Variants in PEX5L observed in about 807,000 individuals in gnomAD.
The protein encoded by PEX5L is PEX5-related protein.
PEX5L carries 30 observed loss-of-function variants against 84.0 expected under a neutral mutation model. The ratio of observed to expected loss-of-function variants is 0.36; its 90% confidence interval spans 0.27 to 0.48. The LOEUF (loss-of-function observed/expected upper bound fraction) is 0.48, where lower values mean the gene tolerates loss of function less well. Among genes scored for constraint, PEX5L ranks in the 20% least tolerant of loss-of-function variants. The pLI, the probability that PEX5L is intolerant of heterozygous loss-of-function variation, is 0.99. For missense variants in PEX5L, 533 were observed against 754.6 expected (o/e 0.71, Z 3.44); for synonymous variants, 270 against 283.1 (o/e 0.95, Z 0.46).
At chr3:179,945,898 T>C (rs1377591747) in intron 2 of PEX5L, among the ~76,000 whole-genome samples, 2 of 152,312 alleles carry the variant, frequency 1.3e-5, no homozygotes, top group Middle Eastern at 3.4e-3. Flanking sequence ...TTGTGTGTGG[T>C]TGCAGAGGGA....
At chr3:179,978,975 A>G (rs1412653856) in intron 1 of PEX5L, among the ~76,000 whole-genome samples, 3 of 152,204 alleles carry the variant, frequency 2.0e-5, no homozygotes, top group Admixed American at 1.3e-4. Context: ...TCCTGCATCT[A>G]TGAAAAACAG....
In PEX5L at chr3:179,960,607, T is replaced by A. The variant is rs556854727; in HGVS notation, c.93+10987A>T. 3.3e-5 allele frequency among the ~76,000 whole-genome samples: 5 copies of A among 152,360 alleles called. No homozygotes were observed. The South Asian group carries it at 6.2e-4, about 19-fold the overall frequency. On this transcript the variant is annotated intron_variant, in intron 2 of 14. Coordinates refer to ENST00000467460, the MANE Select transcript of PEX5L (RefSeq NM_016559.3). ...TAACTCAAGTTCCTTGGAGTCTGGA[T>A]GCAAAATTAAAATGGCTCATTCATC...
At position 179,795,994 on chromosome 3, in the gene PEX5L, A is replaced by C. The variant is rs184448168; in HGVS notation, c.*5834T>G. ...ACTTAAGTTTGCTGTATTTCCCTTAACTACTGGTAATGTAGTCCATCATGA... is the reference window on the plus strand; with the variant it reads ...ACTTAAGTTTGCTGTATTTCCCTTACCTACTGGTAATGTAGTCCATCATGA... On this transcript the variant is annotated 3_prime_UTR_variant, in exon 15 of 15. Transcript: ENST00000467460. 1 of 152,284 alleles carries C rather than the reference A, an allele frequency of 6.6e-6. No individual in the cohort carries two copies. Among genetic ancestry groups the C allele is most frequent in the African/African-American group, 2.4e-5 (1 of 41,564 alleles). 9.4% of individuals were successfully genotyped at this position (152,284 alleles called of 1,614,324 possible). A position where few individuals can be genotyped will look rare whatever the true frequency, so the allele number is the denominator to read the frequency against.
chr3:180,027,575 C>G (rs1529269), intron 1 of PEX5L, among the ~76,000 whole-genome samples: 2 of 151,996 alleles, frequency 1.3e-5, no homozygotes, highest in African/African-American at 4.8e-5. Context: ...TCATACAGTA[C>G]GTGTATGTCC....
chr3:179,899,041 T>G (rs934872237), intron 2 of PEX5L, among the ~76,000 whole-genome samples: 3 of 152,056 alleles, frequency 2.0e-5, no homozygotes, highest in African/African-American at 7.2e-5. Flanking sequence ...TATGTATATA[T>G]ATAGATAATA....
At chr3:179,802,692 G>C (rs1163993481) in intron 14 of PEX5L, among the ~76,000 whole-genome samples, 2 of 152,130 alleles carry the variant, frequency 1.3e-5, no homozygotes, top group African/African-American at 4.8e-5. Context: ...TGCATTTGCA[G>C]ATTTGATTTC....
chr3:179,956,601 ATATT>A (rs1234605208), intron 2 of PEX5L, among the ~76,000 whole-genome samples: 1 of 152,138 alleles, frequency 6.6e-6, no homozygotes, highest in Non-Finnish European at 1.5e-5. Flanking sequence ...GGCTGTAAAA[ATATT>A]TAGTTAGTTT....
rs563311917 is a variant in PEX5L, at chr3:179,858,487, G to A, written c.822+575C>T. On this transcript the variant is annotated intron_variant, in intron 8 of 14. Coordinates refer to ENST00000467460, the MANE Select transcript of PEX5L (RefSeq NM_016559.3). Reference sequence around the variant, plus strand: ...CTTTCTTATTAGAAGACTAAATACAGAAATCAATGTTCCAATCAGGTATTC... The same window carrying A: ...CTTTCTTATTAGAAGACTAAATACAAAAATCAATGTTCCAATCAGGTATTC... Among the ~76,000 whole-genome samples the A allele has an allele frequency of 2.0e-5, 3 of 151,530 alleles. No homozygotes were observed. In the South Asian group the frequency reaches 6.3e-4, roughly 32 times the overall value.
At chr3:179,948,962 A>G (rs1253469160) in intron 2 of PEX5L, among the ~76,000 whole-genome samples, 3 of 152,250 alleles carry the variant, frequency 2.0e-5, no homozygotes, top group Admixed American at 2.0e-4. Context: ...AATAATATTT[A>G]GTTAATATGA....
chr3:180,030,574 A>G (rs1043727306), intron 1 of PEX5L, among the ~76,000 whole-genome samples: 1 of 152,150 alleles, frequency 6.6e-6, no homozygotes, highest in Non-Finnish European at 1.5e-5. Flanking sequence ...ATCATTATTC[A>G]TATGACATGG....
chr3:179,957,967 A>T (rs545774908), intron 2 of PEX5L, among the ~76,000 whole-genome samples: 1 of 152,186 alleles, frequency 6.6e-6, no homozygotes, highest in East Asian at 1.9e-4. Context: ...TTGATTATGC[A>T]TGTTTATGGC....
At chr3:180,021,902 C>T (rs1483470314) in intron 1 of PEX5L, among the ~76,000 whole-genome samples, 2 of 152,040 alleles carry the variant, frequency 1.3e-5, no homozygotes, top group Non-Finnish European at 2.9e-5. Context: ...CAGTATAAGC[C>T]ACAGGTAAAA....
chr3:179,854,719 CCATT>C (rs779769674), intron 8 of PEX5L, among the ~76,000 whole-genome samples: 19 of 152,282 alleles, frequency 1.2e-4, no homozygotes, highest in Admixed American at 3.9e-4. Context: ...ATTCATCCAT[CCATT>C]CAGTCAACAA....
intron 8 of PEX5L, among the ~76,000 whole-genome samples, chr3:179,842,620 A>G (rs1737714867): frequency 6.6e-6 from 1 of 152,156 alleles, no homozygotes; most frequent in South Asian, 2.1e-4. Flanking sequence ...GTCCCTTGTA[A>G]TTAGTTTTGT....
intron 1 of PEX5L, among the ~76,000 whole-genome samples, chr3:180,022,486 T>C (rs921100973): frequency 5.3e-5 from 8 of 152,212 alleles, no homozygotes; most frequent in Non-Finnish European, 1.0e-4. Context: ...AAGTCTTGTA[T>C]TTAAAAGAGG....
At chr3:179,934,526 G>A (rs1774056963) in intron 2 of PEX5L, among the ~76,000 whole-genome samples, 1 of 152,160 alleles carries the variant, frequency 6.6e-6, no homozygotes, top group Non-Finnish European at 1.5e-5. Context: ...GAGTCTCAGA[G>A]GTTAAACAAC....
chr3:179,824,780 A>T (rs903494435), intron 8 of PEX5L, among the ~76,000 whole-genome samples: 1 of 150,714 alleles, frequency 6.6e-6, no homozygotes, highest in African/African-American at 2.4e-5. Flanking sequence ...GCAAGTTTGG[A>T]TTAAAAATTT....
chr3:179,921,164 C>T (rs1029869052), intron 2 of PEX5L, among the ~76,000 whole-genome samples: 4 of 152,022 alleles, frequency 2.6e-5, no homozygotes, highest in Non-Finnish European at 4.4e-5. Context: ...CTAAAAATAT[C>T]TTTAAGGGAG....
At chr3:180,031,153 A>T (rs542284501) in intron 1 of PEX5L, among the ~76,000 whole-genome samples, 1 of 152,332 alleles carries the variant, frequency 6.6e-6, no homozygotes, top group Non-Finnish European at 1.5e-5. Context: ...TCAGCATGAC[A>T]TTATAACATT....
Sources: gnomAD v4.1 joint callset for allele counts (sites outside exome capture counted in the v4.1 genomes callset) on GRCh38, gnomAD v4.1.1 for gene constraint, MANE v1.5 for transcripts, NCBI Gene and HGNC (gene_info 2026-07-23, HGNC 2026-07-21) for gene names.